The following IGF2BP3 variants were observed in gnomAD, a reference collection of about 807,000 sequenced individuals.
IGF2BP3 encodes insulin-like growth factor 2 mRNA-binding protein 3.
Under a neutral mutation model 73.8 loss-of-function variants are expected in IGF2BP3, and 9 were observed. The observed-to-expected ratio is 0.12, with a 90% CI of 0.07 to 0.21. IGF2BP3 has a LOEUF of 0.21. IGF2BP3 is among the 10% of genes least tolerant of loss of function. IGF2BP3 has a pLI of 1.00. For missense variants in IGF2BP3, 542 were observed against 714.0 expected (o/e 0.76, Z 2.75); for synonymous variants, 258 against 256.7 (o/e 1.01, Z -0.05).
At chr7:23,438,362 C>T (rs938970849) in intron 2 of IGF2BP3, among the ~76,000 whole-genome samples, 1 of 152,180 alleles carries the variant, frequency 6.6e-6, no homozygotes, top group Non-Finnish European at 1.5e-5. Context: ...AATCTGCCCC[C>T]CTTGGCATTC....
At chr7:23,427,584 A>G (rs1308698289) in intron 2 of IGF2BP3, among the ~76,000 whole-genome samples, 1 of 152,150 alleles carries the variant, frequency 6.6e-6, no homozygotes, top group Non-Finnish European at 1.5e-5. Context: ...AAAAACTAAA[A>G]AATTTTGCTG....
chr7:23,362,948 T>A (rs946284813), intron 3 of IGF2BP3, among the ~76,000 whole-genome samples: 6 of 151,846 alleles, frequency 4.0e-5, no homozygotes, highest in African/African-American at 1.2e-4. Context: ...AGAGATGAGG[T>A]CTTACTACGT....
In IGF2BP3 at chr7:23,317,760, A is replaced by T. The variant is rs746055539; in HGVS notation, c.1321-47T>A. On this transcript the variant is annotated intron_variant, in intron 11 of 14. Transcript: ENST00000258729. The stretch of plus-strand genomic sequence containing the variant: ...GTTATGATACTTTCAGGTATCACTG[A>T]TAGGCATCTTGGGCCAACCAGCCTA... 4.0e-6 allele frequency: 6 copies of T among 1,490,358 alleles called. No homozygotes were observed. The African/African-American group carries it at 8.2e-5, about 20-fold the overall frequency. The allele number at this position is 1,490,358 out of a possible 1,614,324, so 92.3% of individuals were successfully genotyped here. A position where few individuals can be genotyped will look rare whatever the true frequency, so the allele number is the denominator to read the frequency against.
rs181438280 is a variant in IGF2BP3, at chr7:23,339,963, T to C, written c.1203+2101A>G. 9.1e-4 allele frequency among the ~76,000 whole-genome samples: 139 copies of C among 152,298 alleles called. No individual in the cohort carries two copies. In the Middle Eastern group the frequency reaches 0.01, roughly 11 times the overall value. On this transcript the variant is annotated intron_variant, in intron 10 of 14. Transcript: ENST00000258729. Reference sequence around the variant, plus strand: ...CCCCTATTCCTCCTTAAACCTTTCATATTATTTAATTCTGTAGAAACTAGA... The same window carrying C: ...CCCCTATTCCTCCTTAAACCTTTCACATTATTTAATTCTGTAGAAACTAGA...
At chr7:23,362,261 A>G (rs1398285660) in intron 3 of IGF2BP3, among the ~76,000 whole-genome samples, 2 of 151,226 alleles carry the variant, frequency 1.3e-5, no homozygotes, top group Non-Finnish European at 2.9e-5. Context: ...AAAATAAAGT[A>G]AAATAAAAAG....
intron 3 of IGF2BP3, among the ~76,000 whole-genome samples, chr7:23,393,321 GTTA>G (rs1786344962): frequency 6.6e-6 from 1 of 152,102 alleles, no homozygotes; most frequent in African/African-American, 2.4e-5. Context: ...TCAATAACAA[GTTA>G]TTATTAATAA....
chr7:23,354,339 TC>T (rs1785039920), intron 5 of IGF2BP3, among the ~76,000 whole-genome samples: 1 of 152,208 alleles, frequency 6.6e-6, no homozygotes, highest in Non-Finnish European at 1.5e-5. Flanking sequence ...GAAGGTTCTT[TC>T]AAAAAATCAG....
chr7:23,391,683 G>C (rs990124016), intron 3 of IGF2BP3, among the ~76,000 whole-genome samples: 1 of 152,158 alleles, frequency 6.6e-6, no homozygotes, highest in Non-Finnish European at 1.5e-5. Context: ...AATAACCTGA[G>C]AAATGTTTCA....
intron 2 of IGF2BP3, among the ~76,000 whole-genome samples, chr7:23,447,842 A>G (rs1163219290): frequency 6.6e-6 from 1 of 152,012 alleles, no homozygotes; most frequent in Non-Finnish European, 1.5e-5. Flanking sequence ...TTAGCCAGGC[A>G]TGATGGTGTG....
At position 23,313,414 on chromosome 7, in the gene IGF2BP3, T is replaced by C. The variant is rs1313837958; in HGVS notation, c.1527+108A>G. 4.0e-6 allele frequency: 5 copies of C among 1,256,940 alleles called. No homozygotes were observed. The South Asian group carries it at 5.9e-5, about 15-fold the overall frequency. 77.9% of individuals were successfully genotyped at this position (1,256,940 alleles called of 1,614,324 possible). ...AATCTTCTCCAAACCTTGGTCAAGA[T>C]GGTCCTGCTTTTTATAAATTAGCCA... On this transcript the variant is annotated intron_variant, in intron 13 of 14. Transcript: ENST00000258729.
intron 6 of IGF2BP3, among the ~76,000 whole-genome samples, 193 bp downstream of exon 6, chr7:23,351,112 A>G (rs1784948160): frequency 6.6e-6 from 1 of 152,194 alleles, no homozygotes; most frequent in South Asian, 2.1e-4. Flanking sequence ...GTTCCCTTTG[A>G]GAATGAGGAT....
At chr7:23,347,778 G>C (rs768256032) in intron 6 of IGF2BP3, 44 bp from the exon 7 acceptor site, 18 of 1,612,310 alleles carry the variant, frequency 1.1e-5, no homozygotes, top group African/African-American at 2.7e-5. Context: ...AGCAGTAAGC[G>C]TGTATTCACA....
intron 3 of IGF2BP3, among the ~76,000 whole-genome samples, chr7:23,392,247 TA>T: frequency 6.6e-6 from 1 of 152,208 alleles, no homozygotes; most frequent in East Asian, 1.9e-4. Flanking sequence ...TCACTAACCC[TA>T]ATGAACCAAG....
chr7:23,391,635 C>T (rs1404622086), intron 3 of IGF2BP3, among the ~76,000 whole-genome samples: 1 of 152,178 alleles, frequency 6.6e-6, no homozygotes, highest in Non-Finnish European at 1.5e-5. Flanking sequence ...TAAGGTACTA[C>T]AAGACATCTA....
chr7:23,437,736 A>G (rs1787838879), intron 2 of IGF2BP3, among the ~76,000 whole-genome samples: 1 of 152,196 alleles, frequency 6.6e-6, no homozygotes, highest in South Asian at 2.1e-4. Context: ...ACAAACTTTA[A>G]GATTTCACCA....
intron 8 of IGF2BP3, among the ~76,000 whole-genome samples, chr7:23,344,200 T>C (rs1045973021): frequency 2.6e-5 from 4 of 152,234 alleles, no homozygotes; most frequent in Non-Finnish European, 5.9e-5. Context: ...GAAAGATGTA[T>C]AGTTTTTGAG....
chr7:23,326,464 T>C (rs980472668), intron 10 of IGF2BP3, among the ~76,000 whole-genome samples: 1 of 151,550 alleles, frequency 6.6e-6, no homozygotes, highest in African/African-American at 2.4e-5. Flanking sequence ...TTTACACTGT[T>C]GGTGGGACTG....
chr7:23,358,166 A>G (rs751359976), intron 5 of IGF2BP3, among the ~76,000 whole-genome samples: 28 of 152,210 alleles, frequency 1.8e-4, no homozygotes, highest in Non-Finnish European at 3.5e-4. Flanking sequence ...GCTGAACCAT[A>G]ACAGATTAAC....
intron 2 of IGF2BP3, among the ~76,000 whole-genome samples, chr7:23,452,737 G>A (rs141125213): frequency 6.6e-6 from 1 of 151,450 alleles, no homozygotes; most frequent in East Asian, 1.9e-4. Flanking sequence ...AGGAGGCGGA[G>A]GTTGCAGTGA....
Sources: allele counts gnomAD v4.1 joint callset (sites outside exome capture counted in the v4.1 genomes callset), GRCh38; gene constraint gnomAD v4.1.1; transcripts MANE v1.5; gene names NCBI Gene and HGNC (gene_info 2026-07-23, HGNC 2026-07-21).